The following CACNA1E variants were observed in gnomAD, a reference collection of about 807,000 sequenced individuals.
The protein encoded by CACNA1E is calcium voltage-gated channel subunit alpha1 E.
Under a neutral mutation model 259.2 loss-of-function variants are expected in CACNA1E, and 40 were observed. That is an observed-to-expected ratio of 0.15 (90% CI 0.12 to 0.20). The LOEUF is 0.20. Among genes scored for constraint, CACNA1E ranks in the 10% least tolerant of loss-of-function variants. The pLI is 1.00. For missense variants in CACNA1E, 1,874 were observed against 3,040.1 expected (o/e 0.62, Z 9.02); for synonymous variants, 1,104 against 1,138.5 (o/e 0.97, Z 0.61).
chr1:181,346,141 G>T (rs1041398866), intron 1 of CACNA1E, among the ~76,000 whole-genome samples: 5 of 152,342 alleles, frequency 3.3e-5, no homozygotes, highest in Admixed American at 3.3e-4. Flanking sequence ...AGGGCCGAGG[G>T]TTCCCTCTGG....
At chr1:181,325,994 A>G (rs1187817809) in intron 1 of CACNA1E, among the ~76,000 whole-genome samples, 1 of 152,134 alleles carries the variant, frequency 6.6e-6, no homozygotes, top group Non-Finnish European at 1.5e-5. Context: ...CTGGCCACAC[A>G]TCCTCGCCTC....
At chr1:181,575,011 C>CAAG (rs1483345026) in intron 3 of CACNA1E, among the ~76,000 whole-genome samples, 5 of 128,064 alleles carry the variant, frequency 3.9e-5, no homozygotes, top group African/African-American at 1.4e-4. Flanking sequence ...GATGACAGAG[C>CAAG]AAGACTCTGT....
At chr1:181,488,424 G>A (rs763249005) in intron 1 of CACNA1E, among the ~76,000 whole-genome samples, 14 of 152,232 alleles carry the variant, frequency 9.2e-5, no homozygotes, top group Non-Finnish European at 1.3e-4. Flanking sequence ...TGGTGAAACA[G>A]ATAGTGACTG....
At position 181,511,357 on chromosome 1, in the gene CACNA1E, C is replaced by G. The variant is rs4083900; in HGVS notation, c.373-14C>G. On this transcript the variant is annotated splice_polypyrimidine_tract_variant and intron_variant, in intron 2 of 47. Transcript: ENST00000367573. The stretch of plus-strand genomic sequence containing the variant: ...TCCTCTTCTCACTGGTGCTTCTGCT[C>G]CTCATCCCCACAGGAGAAGACAGAA... 6.2e-7 allele frequency: 1 copy of G among 1,613,782 alleles called. No individual in the cohort carries two copies. The highest frequency in any genetic ancestry group is 1.1e-5 in the South Asian group (1 of 91,072).
At chr1:181,490,138 C>T (rs186565158) in intron 1 of CACNA1E, among the ~76,000 whole-genome samples, 92 of 152,224 alleles carry the variant, frequency 6.0e-4, no homozygotes, top group African/African-American at 1.3e-3. Context: ...TAAAGCTTGA[C>T]GAGCCCCAGT....
In CACNA1E at chr1:181,795,053, G is replaced by T. The variant is rs747302415; in HGVS notation, c.6208+9G>T. ...CCTGAACTCTGATTCAGGTGAGGAG[G>T]TCTTCAGTGTCCAGCTCTTTCATCA... is the stretch of plus-strand genomic sequence containing the variant. On this transcript the variant is annotated intron_variant, in intron 46 of 47. Transcript: ENST00000367573. 6.2e-7 allele frequency: 1 copy of T among 1,611,434 alleles called. No individual in the cohort carries two copies. The highest frequency in any genetic ancestry group is 8.5e-7 in the Non-Finnish European group (1 of 1,178,346).
chr1:181,493,966 C>T (rs1273250416), intron 1 of CACNA1E, among the ~76,000 whole-genome samples: 2 of 152,264 alleles, frequency 1.3e-5, no homozygotes, highest in Admixed American at 6.5e-5. Flanking sequence ...CCAGCTGCTT[C>T]AGTGGCTGCT....
intron 7 of CACNA1E, among the ~76,000 whole-genome samples, chr1:181,691,562 A>G (rs568801022): frequency 3.0e-4 from 45 of 152,236 alleles, no homozygotes; most frequent in African/African-American, 1.1e-3. Flanking sequence ...AACATTGCCA[A>G]AAAACCATAT....
intron 2 of CACNA1E, among the ~76,000 whole-genome samples, chr1:181,436,272 A>C (rs1660079494): frequency 6.6e-6 from 1 of 152,260 alleles, no homozygotes. Context: ...GGTAGAATGT[A>C]AATTGATACA....
intron 1 of CACNA1E, among the ~76,000 whole-genome samples, chr1:181,380,738 A>T (rs190343600): frequency 6.6e-6 from 1 of 152,352 alleles, no homozygotes; most frequent in East Asian, 1.9e-4. Flanking sequence ...GAACTCTGAA[A>T]CACTAATAAT....
intron 25 of CACNA1E, among the ~76,000 whole-genome samples, chr1:181,746,315 A>G (rs1354324724): frequency 6.6e-6 from 1 of 152,230 alleles, no homozygotes; most frequent in African/African-American, 2.4e-5. Flanking sequence ...AAGTGCTTTC[A>G]CACTCTTTAT....
intron 1 of CACNA1E, among the ~76,000 whole-genome samples, chr1:181,343,369 C>T (rs1205850134): frequency 6.6e-6 from 1 of 152,072 alleles, no homozygotes; most frequent in African/African-American, 2.4e-5. Flanking sequence ...TAGTGCTGTC[C>T]TCATGATAAT....
chr1:181,538,243 G>A (rs1668318697), intron 3 of CACNA1E, among the ~76,000 whole-genome samples: 1 of 152,098 alleles, frequency 6.6e-6, no homozygotes, highest in Admixed American at 6.5e-5. Flanking sequence ...AATAAATTAG[G>A]TAATGAGTTT....
At chr1:181,361,413 G>A (rs750569531) in intron 1 of CACNA1E, among the ~76,000 whole-genome samples, 1 of 152,186 alleles carries the variant, frequency 6.6e-6, no homozygotes, top group African/African-American at 2.4e-5. Context: ...TTTCCTGGAT[G>A]TAGCAGGGAA....
At chr1:181,459,225 A>G (rs1382925127) in intron 2 of CACNA1E, among the ~76,000 whole-genome samples, 1 of 152,242 alleles carries the variant, frequency 6.6e-6, no homozygotes, top group Non-Finnish European at 1.5e-5. Flanking sequence ...ACAGGGAACA[A>G]CTAGCTTAAT....
At chr1:181,404,660 T>C (rs1195712534) in intron 1 of CACNA1E, among the ~76,000 whole-genome samples, 2 of 152,196 alleles carry the variant, frequency 1.3e-5, no homozygotes, top group South Asian at 4.1e-4. Flanking sequence ...TTCTTCCATT[T>C]CCATCAGCTC....
intron 2 of CACNA1E, among the ~76,000 whole-genome samples, chr1:181,472,082 A>G (rs1662547102): frequency 6.6e-6 from 1 of 152,146 alleles, no homozygotes; most frequent in South Asian, 2.1e-4. Flanking sequence ...ATTCTGCTGT[A>G]AAAAAGAAGT....
At chr1:181,400,670 C>T (rs1043751087) in intron 1 of CACNA1E, among the ~76,000 whole-genome samples, 2 of 152,156 alleles carry the variant, frequency 1.3e-5, no homozygotes, top group East Asian at 1.9e-4. Flanking sequence ...TTCAGAGAGC[C>T]TCCTGCACCA....
intron 3 of CACNA1E, among the ~76,000 whole-genome samples, chr1:181,525,206 A>G (rs1459657454): frequency 6.6e-6 from 1 of 152,244 alleles, no homozygotes; most frequent in African/African-American, 2.4e-5. Context: ...CTGTCCATCT[A>G]TCCTCCTTTC....
Sources: allele counts gnomAD v4.1 joint callset (sites outside exome capture counted in the v4.1 genomes callset), GRCh38; gene constraint gnomAD v4.1.1; transcripts MANE v1.5; gene names NCBI Gene and HGNC (gene_info 2026-07-23, HGNC 2026-07-21).